Variants in EYS observed in about 807,000 individuals in gnomAD.
EYS encodes protein eyes shut homolog.
A neutral mutation model predicts 282.1 loss-of-function variants in EYS; 250 were observed. The observed-to-expected ratio is 0.89, with a 90% confidence interval of 0.80 to 0.98. EYS has a LOEUF of 0.98. EYS is among the 50% of genes least tolerant of loss of function. EYS has a pLI of 0.00. For synonymous variants in EYS, 1,355 were observed against 1,282.9 expected (o/e 1.06, Z -1.20); for missense variants, 4,016 against 3,709.0 (o/e 1.08, Z -2.15).
At chr6:64,188,880 C>A (rs1156276780) in intron 31 of EYS, among the ~76,000 whole-genome samples, 1 of 152,116 alleles carries the variant, frequency 6.6e-6, no homozygotes, top group African/African-American at 2.4e-5. Context: ...TTCCACCTCC[C>A]TTTTATCAAG....
chr6:65,677,931 AG>A (rs755108554), intron 1 of EYS, among the ~76,000 whole-genome samples: 14 of 152,082 alleles, frequency 9.2e-5, no homozygotes, highest in Non-Finnish European at 1.5e-4. Flanking sequence ...CAATGTTGAA[AG>A]GATAGTATCT....
At chr6:64,822,200 A>G (rs578076110) in intron 20 of EYS, among the ~76,000 whole-genome samples, 1 of 152,156 alleles carries the variant, frequency 6.6e-6, no homozygotes, top group Non-Finnish European at 1.5e-5. Context: ...CCAATATTTT[A>G]TCCATGATCA....
chr6:63,937,343 T>C (rs1377406624), intron 35 of EYS, among the ~76,000 whole-genome samples: 5 of 81,792 alleles, frequency 6.1e-5, no homozygotes, highest in Admixed American at 1.6e-4. Flanking sequence ...CTTCTCTCTT[T>C]TCTTTTTTTT....
At chr6:64,826,726 C>T (rs1399934848) in intron 19 of EYS, among the ~76,000 whole-genome samples, 1 of 148,386 alleles carries the variant, frequency 6.7e-6, no homozygotes, top group Non-Finnish European at 1.5e-5. Context: ...TGTCTTTTTT[C>T]AGACTGTGTT....
At chr6:65,418,227 G>T (rs915182768) in intron 5 of EYS, among the ~76,000 whole-genome samples, 9 of 151,974 alleles carry the variant, frequency 5.9e-5, no homozygotes, top group Non-Finnish European at 1.0e-4. Flanking sequence ...TTTCCAGTTA[G>T]AAAAGTAATT....
chr6:65,098,708 T>C (rs1286850734), intron 12 of EYS, among the ~76,000 whole-genome samples: 6 of 150,856 alleles, frequency 4.0e-5, no homozygotes, highest in Non-Finnish European at 7.5e-5. Flanking sequence ...AGCAACTAAA[T>C]GGTGTTTACA....
chr6:64,324,482 C>G (rs1463769826), intron 29 of EYS, among the ~76,000 whole-genome samples: 1 of 152,050 alleles, frequency 6.6e-6, no homozygotes, highest in African/African-American at 2.4e-5. Flanking sequence ...AGAAACATAC[C>G]TCAGAATATG....
At chr6:65,269,759 T>A (rs879088759) in intron 12 of EYS, among the ~76,000 whole-genome samples, 1 of 152,252 alleles carries the variant, frequency 6.6e-6, no homozygotes, top group Admixed American at 6.5e-5. Context: ...TTCTCGTGCA[T>A]CTTCACATGG....
intron 26 of EYS, among the ~76,000 whole-genome samples, chr6:64,457,448 C>T (rs887768841): frequency 2.0e-5 from 3 of 151,936 alleles, no homozygotes; most frequent in Non-Finnish European, 4.4e-5. Flanking sequence ...CTGTTCATTG[C>T]TAAAAGTGAG....
intron 35 of EYS, among the ~76,000 whole-genome samples, chr6:63,882,696 G>C (rs978815249): frequency 6.6e-5 from 10 of 152,288 alleles, no homozygotes; most frequent in African/African-American, 2.4e-4. Flanking sequence ...CTATGGGAGA[G>C]CACAGCAGGC....
intron 36 of EYS, among the ~76,000 whole-genome samples, chr6:63,859,111 T>TTTTTTTTTTTTTTTTTTTTTA (rs796999871): frequency 1.4e-5 from 1 of 71,180 alleles, no homozygotes; most frequent in African/African-American, 6.4e-5. Flanking sequence ...TTTTTTTTTT[T>TTTTTTTTTTTTTTTTTTTTTA]AATAGCTGGG....
intron 41 of EYS, among the ~76,000 whole-genome samples, chr6:63,756,330 A>G (rs1017289922): frequency 2.4e-4 from 36 of 152,172 alleles, no homozygotes; most frequent in Middle Eastern, 3.2e-3. Context: ...AAGAGTTTTT[A>G]GCATGAAAGA....
intron 41 of EYS, among the ~76,000 whole-genome samples, chr6:63,747,732 T>C (rs1769244797): frequency 6.6e-6 from 1 of 152,204 alleles, no homozygotes; most frequent in Non-Finnish European, 1.5e-5. Context: ...TGACCTTTGT[T>C]GGTTTCAAGT....
chr6:64,324,505 C>T (rs1387648776), intron 29 of EYS, among the ~76,000 whole-genome samples: 2 of 152,136 alleles, frequency 1.3e-5, no homozygotes, highest in African/African-American at 4.8e-5. Flanking sequence ...CCATTTATGA[C>T]AATTCCATAG....
intron 22 of EYS, among the ~76,000 whole-genome samples, chr6:64,792,423 G>C (rs1774219370): frequency 6.6e-6 from 1 of 151,872 alleles, no homozygotes; most frequent in African/African-American, 2.4e-5. Context: ...TAGACACCAA[G>C]TTTATGATCA....
chr6:64,320,584 CCT>C (rs1158485152), intron 29 of EYS, among the ~76,000 whole-genome samples: 4 of 151,206 alleles, frequency 2.6e-5, no homozygotes, highest in Admixed American at 2.0e-4. Context: ...CCATTTTTCT[CCT>C]ATTTTTCTTC....
intron 13 of EYS, among the ~76,000 whole-genome samples, chr6:65,031,143 T>A (rs1382694635): frequency 5.5e-5 from 8 of 145,498 alleles, no homozygotes; most frequent in South Asian, 4.3e-4. Flanking sequence ...ATTTTATATT[T>A]TATATATATA....
chr6:64,322,590 T>C (rs1339475739), intron 29 of EYS, among the ~76,000 whole-genome samples: 1 of 152,050 alleles, frequency 6.6e-6, no homozygotes, highest in Non-Finnish European at 1.5e-5. Flanking sequence ...AAGTGGCAGA[T>C]GAAATTTGCA....
intron 22 of EYS, among the ~76,000 whole-genome samples, chr6:64,683,523 T>C (rs1370831598): frequency 6.6e-6 from 1 of 152,118 alleles, no homozygotes; most frequent in Non-Finnish European, 1.5e-5. Context: ...TCAGTGAAAT[T>C]GAAGTCATAT....
Sources: allele counts gnomAD v4.1 joint callset (sites outside exome capture counted in the v4.1 genomes callset), GRCh38; gene constraint gnomAD v4.1.1; transcripts MANE v1.5; gene names NCBI Gene and HGNC (gene_info 2026-07-23, HGNC 2026-07-21).